Variants in XRCC2 observed in about 807,000 individuals in gnomAD.
The protein encoded by XRCC2 is X-ray repair cross complementing 2, also known as DNA repair protein XRCC2.
In XRCC2, 24 loss-of-function variants were observed where a neutral mutation model predicts 27.3. The ratio of observed to expected loss-of-function variants is 0.88; its 90% CI spans 0.64 to 1.24. The LOEUF is 1.24. Ranked by LOEUF, XRCC2 falls within the 50% of genes most tolerant of loss-of-function variation. The pLI is 0.00. For synonymous variants in XRCC2, 106 were observed against 115.4 expected (o/e 0.92, Z 0.52); for missense variants, 321 against 325.8 (o/e 0.99, Z 0.11).
Position 152,647,689 on chromosome 7 carries a change from C to T in XRCC2, c.*953G>A, listed in dbSNP as rs547211637. The T allele has an allele frequency of 6.0e-4, 92 of 152,170 alleles. No individual in the cohort carries two copies. The highest frequency in any genetic ancestry group is 3.4e-3 in the Middle Eastern group (1 of 294). 9.4% of individuals were successfully genotyped at this position (152,170 alleles called of 1,614,324 possible). ...CATTGCTTGTTTTTGTCAGGTTCATCGAAGATCAAAAAAATTATAGGTGTG... is the reference window on the plus strand; with the variant it reads ...CATTGCTTGTTTTTGTCAGGTTCATTGAAGATCAAAAAAATTATAGGTGTG... On this transcript the variant is annotated 3_prime_UTR_variant, in exon 3 of 3. Transcript: ENST00000359321.
rs191771106 is a variant in XRCC2 at position 152,655,186 on chromosome 7, T to C, written c.121+5515A>G. On this transcript the variant is annotated intron_variant, in intron 2 of 2. Transcript: ENST00000359321. ...TGGCCTTGACAGTTCCTCTTACAAA[T>C]AGAACGCTGTAAGGAGTTTGGGTAA... Among the ~76,000 whole-genome samples, 396 of 152,230 alleles carry C rather than the reference T, an allele frequency of 2.6e-3. 2 individuals carry two copies. Among genetic ancestry groups the C allele is most frequent in the African/African-American group, 8.9e-3 (369 of 41,548 alleles).
intron 2 of XRCC2, among the ~76,000 whole-genome samples, chr7:152,659,975 G>A (rs892469417): frequency 1.3e-5 from 2 of 152,114 alleles, no homozygotes; most frequent in African/African-American, 4.8e-5. Flanking sequence ...CTACTGATAC[G>A]TGTTATGAAA....
intron 2 of XRCC2, among the ~76,000 whole-genome samples, chr7:152,655,652 C>T (rs1363360483): frequency 6.6e-6 from 1 of 152,162 alleles, no homozygotes; most frequent in Non-Finnish European, 1.5e-5. Flanking sequence ...GTCGAGGCTG[C>T]AGCGAGCCGT....
chr7:152,672,722 A>G lies in XRCC2; in HGVS notation c.39+3319T>C, dbSNP rs935723594. Among the ~76,000 whole-genome samples, 44 of 152,288 alleles carry G rather than the reference A, an allele frequency of 2.9e-4. 3 individuals are homozygous for G. The highest frequency in any genetic ancestry group is 1.9e-3 in the Admixed American group (29 of 15,284). ...GATAATGGGAGTGGAGACATTTCCT[A>G]CTTTTCACTTCAGTGCTATTGGAAT... On this transcript the variant is annotated intron_variant, in intron 1 of 2. Coordinates refer to ENST00000359321, the MANE Select transcript of XRCC2 (RefSeq NM_005431.2).
intron 1 of XRCC2, among the ~76,000 whole-genome samples, chr7:152,670,743 G>A (rs1311219031): frequency 1.3e-5 from 2 of 152,070 alleles, no homozygotes; most frequent in Admixed American, 1.3e-4. Flanking sequence ...GGGATTACAG[G>A]TGTGTGCCAC....
intron 1 of XRCC2, among the ~76,000 whole-genome samples, chr7:152,673,253 G>GCTCACTGAAACCCCCGC (rs1452357002): frequency 2.6e-5 from 4 of 152,004 alleles, no homozygotes; most frequent in Non-Finnish European, 5.9e-5. Flanking sequence ...CGTGATGTCG[G>GCTCACTGAAACCCCCGC]CTCACTGAAA....
In XRCC2 at chr7:152,646,879, G is replaced by A. The variant is rs926193552; in HGVS notation, c.*1763C>T. 25 of 152,186 alleles carry A rather than the reference G, an allele frequency of 1.6e-4. No individual in the cohort carries two copies. The highest frequency in any genetic ancestry group is 4.1e-4 in the African/African-American group (17 of 41,480). 9.4% of individuals were successfully genotyped at this position (152,186 alleles called of 1,614,324 possible). On this transcript the variant is annotated 3_prime_UTR_variant, in exon 3 of 3. Coordinates refer to ENST00000359321, the MANE Select transcript of XRCC2 (RefSeq NM_005431.2). ...ATGGGCAGTGCTGCAACGAACATAC[G>A]CGTGCATGTGTCTTTATAACAATGA... is the stretch of plus-strand genomic sequence containing the variant.
intron 2 of XRCC2, among the ~76,000 whole-genome samples, chr7:152,652,720 ACCTTCTTC>A (rs2098029060): frequency 6.6e-6 from 1 of 152,180 alleles, no homozygotes; most frequent in Admixed American, 6.6e-5. Flanking sequence ...TTCATCAGTT[ACCTTCTTC>A]TCAAGATCCT....
At position 152,660,722 on chromosome 7, in the gene XRCC2, C is replaced by T. The variant is rs1563030168; in HGVS notation, c.100G>A (p.Asp34Asn). 1.2e-6 allele frequency: 2 copies of T among 1,613,388 alleles called. No homozygotes were observed. Among genetic ancestry groups the T allele is most frequent in the African/African-American group, 2.7e-5 (2 of 75,014 alleles). ...LKEIEPNLFA[D>N]EDSPVHGDIL... ...TTACCATGCACAGGTGAATCTTCAT[C>T]AGCAAACAGATTTGGTTCTATTTCT... The change falls in exon 2 of 3, where the codon GAT becomes AAT. Residue 34 changes from aspartate (D) to asparagine (N), a missense_variant. Asp to Asn is a conservative substitution (Grantham distance 23, BLOSUM62 1). Coordinates refer to ENST00000359321, the MANE Select transcript of XRCC2 (RefSeq NM_005431.2).
At chr7:152,657,537 G>C (rs946163160) in intron 2 of XRCC2, among the ~76,000 whole-genome samples, 1 of 152,010 alleles carries the variant, frequency 6.6e-6, no homozygotes, top group Non-Finnish European at 1.5e-5. Context: ...GTGATCCACA[G>C]ACCTCAGCCT....
chr7:152,648,413 GAAAAA>G lies in XRCC2; in HGVS notation c.*224_*228del. On this transcript the variant is annotated 3_prime_UTR_variant, in exon 3 of 3. Coordinates refer to ENST00000359321, the MANE Select transcript of XRCC2 (RefSeq NM_005431.2). ...AGACAGAGTAAGACTGTTTCAAAAA[GAAAAA>G]AAAAAAAAAAGAAAACTTTTGGCCA... 7.7e-6 allele frequency: 2 copies of G among 260,252 alleles called. No individual in the cohort carries two copies. The highest frequency in any genetic ancestry group is 1.4e-5 in the Non-Finnish European group (2 of 143,316). The allele number at this position is 260,252 out of a possible 1,614,324, so 16.1% of individuals were successfully genotyped here. A position where few individuals can be genotyped will look rare whatever the true frequency, so the allele number is the denominator to read the frequency against.
At chr7:152,675,664 AG>A (rs1447886474) in intron 1 of XRCC2, among the ~76,000 whole-genome samples, 1 of 152,194 alleles carries the variant, frequency 6.6e-6, no homozygotes, top group Non-Finnish European at 1.5e-5. Flanking sequence ...CCCCTTTTCT[AG>A]CTTTTCTTGC....
chr7:152,663,910 G>A (rs2098034465), intron 1 of XRCC2: 2 of 151,894 alleles, frequency 1.3e-5, no homozygotes, highest in Admixed American at 6.6e-5. Flanking sequence ...GTGATTTATG[G>A]TGGGGGCTTT....
intron 1 of XRCC2, among the ~76,000 whole-genome samples, chr7:152,675,488 C>T (rs3218389): frequency 0.013 from 2,019 of 152,166 alleles, 42 homozygotes; most frequent in African/African-American, 0.046. Flanking sequence ...GAGGGGCATC[C>T]ACCGGCTTGT....
intron 1 of XRCC2, among the ~76,000 whole-genome samples, chr7:152,662,241 C>T (rs2098033434): frequency 6.6e-6 from 1 of 152,128 alleles, no homozygotes; most frequent in African/African-American, 2.4e-5. Flanking sequence ...GCTGGGATTA[C>T]AGGCGTGAGC....
chr7:152,663,853 CCA>C, intron 1 of XRCC2: 1 of 152,166 alleles, frequency 6.6e-6, no homozygotes, highest in Non-Finnish European at 1.5e-5. Flanking sequence ...CCCCCCCCCC[CCA>C]AAAATAGTCT....
chr7:152,653,244 CT>C (rs1163041850), intron 2 of XRCC2, among the ~76,000 whole-genome samples: 5 of 152,064 alleles, frequency 3.3e-5, no homozygotes, highest in Non-Finnish European at 5.9e-5. Context: ...TAGGATGGGA[CT>C]TGTTCCTCCT....
chr7:152,671,544 TTTA>T (rs1296961358), intron 1 of XRCC2, among the ~76,000 whole-genome samples: 1 of 152,204 alleles, frequency 6.6e-6, no homozygotes, highest in African/African-American at 2.4e-5. Context: ...ACCTATACTC[TTTA>T]TTATATTTTC....
At chr7:152,675,739 G>A (rs1427964558) in intron 1 of XRCC2, among the ~76,000 whole-genome samples, 1 of 152,154 alleles carries the variant, frequency 6.6e-6, no homozygotes, top group Non-Finnish European at 1.5e-5. Context: ...CTCTTGGGAG[G>A]AGAGACCTCG....
Sources: allele counts gnomAD v4.1 joint callset (sites outside exome capture counted in the v4.1 genomes callset), GRCh38; gene constraint gnomAD v4.1.1; transcripts MANE v1.5; gene names NCBI Gene and HGNC (gene_info 2026-07-23, HGNC 2026-07-21).